ESF1: variants seen among roughly 807,000 people sequenced by gnomAD.
The protein encoded by ESF1 is ESF1 nucleolar pre-rRNA processing protein.
Under a neutral mutation model 92.0 loss-of-function variants are expected in ESF1, and 58 were observed. The observed-to-expected ratio is 0.63, with a 90% CI of 0.51 to 0.78. The LOEUF (loss-of-function observed/expected upper bound fraction) is 0.78. Ranked by LOEUF, ESF1 falls within the 30% of genes least tolerant of loss-of-function variation. The probability of loss-of-function intolerance (pLI) is 0.00; values close to 1 mark genes in which losing one functional copy is unlikely to be tolerated. For missense variants in ESF1, 922 were observed against 989.1 expected, an observed-to-expected ratio of 0.93 and a Z score of 0.91; for synonymous variants, 321 against 313.7, an observed-to-expected ratio of 1.02 and a Z score of -0.24.
Position 13,775,892 on chromosome 20 carries a change from T to A in ESF1, c.1016A>T (p.Asp339Val). The A allele has an allele frequency of 6.2e-7, 1 of 1,608,448 alleles. No homozygotes were observed. Among genetic ancestry groups the A allele is most frequent in the Non-Finnish European group, 8.5e-7 (1 of 1,177,350 alleles). The change falls in exon 3 of 14, where the codon GAT (aspartate) becomes GTT (valine). Residue 339 changes from aspartate (D) to valine (V), a missense_variant. Asp to Val is a radical substitution (Grantham distance 152). Transcript: ENST00000617257. The part of the protein sequence containing the change: ...FEHAWRELDK[D>V]APRADEITRR... Reference sequence around the variant, plus strand: ...GGTTACCTCATCAGCACGAGGAGCATCTTTATCTAATTCTCTCCAAGCATG... The same window carrying A: ...GGTTACCTCATCAGCACGAGGAGCAACTTTATCTAATTCTCTCCAAGCATG...
chr20:13,738,336 C>T (rs1217046365), intron 9 of ESF1, among the ~76,000 whole-genome samples: 2 of 141,182 alleles, frequency 1.4e-5, no homozygotes, highest in Admixed American at 7.3e-5. Context: ...TTTTTTGAGA[C>T]AGGGTCTTGC....
chr20:13,719,109 A>T, intron 11 of ESF1, 125 bp from the exon 12 acceptor site: 1 of 585,682 alleles, frequency 1.7e-6, no homozygotes, highest in Non-Finnish European at 2.7e-6. Flanking sequence ...GTTGAAACTA[A>T]AAGAAAAAAA....
intron 11 of ESF1, among the ~76,000 whole-genome samples, chr20:13,726,147 CAGT>C (rs2049899285): frequency 1.3e-5 from 2 of 152,154 alleles, no homozygotes; most frequent in South Asian, 4.1e-4. Flanking sequence ...CAGCCCTCAC[CAGT>C]CCTCAAACTG....
intron 11 of ESF1, among the ~76,000 whole-genome samples, chr20:13,719,697 AG>A (rs1568707630): frequency 6.6e-6 from 1 of 152,132 alleles, no homozygotes; most frequent in Non-Finnish European, 1.5e-5. Flanking sequence ...AGAAAATACA[AG>A]GGAACAGCTA....
chr20:13,760,745 C>T (rs527981380), intron 8 of ESF1, among the ~76,000 whole-genome samples: 9 of 150,446 alleles, frequency 6.0e-5, no homozygotes, highest in African/African-American at 1.5e-4. Flanking sequence ...CCGCCCCGTC[C>T]GGGAGGGAGG....
At chr20:13,749,258 T>C (rs202242947) in intron 9 of ESF1, among the ~76,000 whole-genome samples, 11,527 of 130,608 alleles carry the variant, frequency 0.088, 1,121 homozygotes, top group African/African-American at 0.24. Context: ...TTTTTTTTTT[T>C]GTATTTTTGT....
At chr20:13,784,012 T>C (rs948641852) in intron 1 of ESF1, among the ~76,000 whole-genome samples, 4 of 152,178 alleles carry the variant, frequency 2.6e-5, no homozygotes, top group African/African-American at 9.7e-5. Context: ...TTAAATTCGA[T>C]CATCCTTCAA....
intron 10 of ESF1, among the ~76,000 whole-genome samples, chr20:13,729,194 G>C (rs755432913): frequency 6.6e-6 from 1 of 152,206 alleles, no homozygotes; most frequent in African/African-American, 2.4e-5. Context: ...GGAGACGGAG[G>C]TTGCAGTGAG....
chr20:13,742,778 T>C (rs1025610640), intron 9 of ESF1, among the ~76,000 whole-genome samples: 3 of 152,124 alleles, frequency 2.0e-5, no homozygotes, highest in African/African-American at 7.2e-5. Flanking sequence ...ACACCCACAC[T>C]TCCTCCCACA....
intron 9 of ESF1, among the ~76,000 whole-genome samples, chr20:13,757,784 A>G (rs1978968205): frequency 1.3e-5 from 2 of 152,206 alleles, no homozygotes; most frequent in African/African-American, 4.8e-5. Flanking sequence ...GTACCTTACA[A>G]CTGGCATTAT....
At chr20:13,750,685 A>C (rs150466613) in intron 9 of ESF1, among the ~76,000 whole-genome samples, 1 of 152,204 alleles carries the variant, frequency 6.6e-6, no homozygotes, top group Non-Finnish European at 1.5e-5. Flanking sequence ...AATTAATACA[A>C]TCCTTTCAAA....
intron 8 of ESF1, among the ~76,000 whole-genome samples, chr20:13,763,125 T>G (rs1170893938): frequency 6.6e-6 from 1 of 152,170 alleles, no homozygotes; most frequent in Non-Finnish European, 1.5e-5. Context: ...CCTCCCAAAG[T>G]GCTGGGATTA....
chr20:13,778,341 G>GT (rs1208341674), intron 2 of ESF1, among the ~76,000 whole-genome samples: 2 of 151,760 alleles, frequency 1.3e-5, no homozygotes, highest in East Asian at 3.9e-4. Flanking sequence ...TTACTATGAG[G>GT]TAAGCAGAAT....
At chr20:13,747,734 C>A (rs1243753712) in intron 9 of ESF1, among the ~76,000 whole-genome samples, 1 of 151,846 alleles carries the variant, frequency 6.6e-6, no homozygotes, top group Non-Finnish European at 1.5e-5. Context: ...TATTGTTGTG[C>A]AAACATTAAA....
chr20:13,732,079 G>A (rs1231646187), intron 10 of ESF1, among the ~76,000 whole-genome samples: 1 of 152,210 alleles, frequency 6.6e-6, no homozygotes, highest in Non-Finnish European at 1.5e-5. Context: ...AGAGGGGGTC[G>A]TGGGAACCCC....
intron 4 of ESF1, among the ~76,000 whole-genome samples, chr20:13,774,375 T>C (rs1192198501): frequency 6.6e-6 from 1 of 152,310 alleles, no homozygotes; most frequent in East Asian, 1.9e-4. Flanking sequence ...ATCCAGTAAG[T>C]ATATATAATG....
chr20:13,764,149 T>G (rs370586972), intron 8 of ESF1, among the ~76,000 whole-genome samples: 7 of 152,202 alleles, frequency 4.6e-5, no homozygotes, highest in Non-Finnish European at 7.3e-5. Context: ...AGCTACAAAT[T>G]AAAGAATATT....
intron 9 of ESF1, among the ~76,000 whole-genome samples, chr20:13,754,649 C>T (rs1978800454): frequency 6.6e-6 from 1 of 152,152 alleles, no homozygotes; most frequent in African/African-American, 2.4e-5. Flanking sequence ...ATTACTCCAA[C>T]AGCCATTTGA....
intron 8 of ESF1, among the ~76,000 whole-genome samples, chr20:13,764,694 T>TC (rs1979350727): frequency 6.6e-6 from 1 of 152,090 alleles, no homozygotes; most frequent in Non-Finnish European, 1.5e-5. Context: ...TAAATATATT[T>TC]CCCACGCATT....
Sources: gnomAD v4.1 joint callset for allele counts (sites outside exome capture counted in the v4.1 genomes callset) on GRCh38, gnomAD v4.1.1 for gene constraint, MANE v1.5 for transcripts, NCBI Gene and HGNC (gene_info 2026-07-23, HGNC 2026-07-21) for gene names.